ZBTB20: variants seen among roughly 807,000 people sequenced by gnomAD.
The protein encoded by ZBTB20 is zinc finger and BTB domain-containing protein 20.
ZBTB20 carries 9 observed loss-of-function variants against 56.9 expected under a neutral mutation model. The ratio of observed to expected loss-of-function variants is 0.16; its 90% CI spans 0.10 to 0.28. The LOEUF is 0.28. Ranked by LOEUF, ZBTB20 falls within the 10% of genes least tolerant of loss-of-function variation. The pLI is 1.00. For missense variants in ZBTB20, 655 were observed against 1,003.0 expected (o/e 0.65, Z 4.69); for synonymous variants, 417 against 420.7 (o/e 0.99, Z 0.11).
intron 7 of ZBTB20, among the ~76,000 whole-genome samples, chr3:114,402,707 G>A (rs970821500): frequency 2.0e-5 from 3 of 152,150 alleles, no homozygotes; most frequent in Non-Finnish European, 4.4e-5. Flanking sequence ...CGTAGAGTTG[G>A]AAAGCTGGTG....
At chr3:115,135,247 C>G (rs1576830101) in intron 1 of ZBTB20, among the ~76,000 whole-genome samples, 1 of 152,160 alleles carries the variant, frequency 6.6e-6, no homozygotes, top group South Asian at 2.1e-4. Context: ...GAAAGCCAGG[C>G]AGCTTGGAAT....
At chr3:115,074,812 C>T (rs1404591672) in intron 1 of ZBTB20, among the ~76,000 whole-genome samples, 5 of 152,084 alleles carry the variant, frequency 3.3e-5, no homozygotes, top group Admixed American at 3.3e-4. Context: ...AGGAGTGGAG[C>T]TGGGCCTCTG....
At chr3:114,529,331 A>G (rs1037674550) in intron 6 of ZBTB20, 27 of 152,186 alleles carry the variant, frequency 1.8e-4, no homozygotes, top group African/African-American at 6.3e-4. Flanking sequence ...AGCCTCTGTC[A>G]ACCTGGGTCC....
chr3:114,568,858 G>T (rs922446778), intron 6 of ZBTB20, among the ~76,000 whole-genome samples: 2 of 152,002 alleles, frequency 1.3e-5, no homozygotes, highest in African/African-American at 4.8e-5. Flanking sequence ...TTTAACCTCC[G>T]CTTTTTGCTA....
intron 6 of ZBTB20, chr3:114,527,079 C>T (rs1414971060): frequency 6.6e-6 from 1 of 152,146 alleles, no homozygotes; most frequent in African/African-American, 2.4e-5. Flanking sequence ...GGCAGCATAT[C>T]TAACCAGGGA....
In ZBTB20 at chr3:114,331,486, G is replaced by T. The variant is rs2079252978; in HGVS notation, c.*7519C>A. ...GTCTTAAACACAATGGTGGGAAGAG[G>T]CAACTGTATCTATGCACGAGGACCT... On this transcript the variant is annotated 3_prime_UTR_variant, in exon 12 of 12. Transcript: ENST00000675478. The T allele has an allele frequency of 6.6e-6, 1 of 152,182 alleles. No homozygotes were observed. The highest frequency in any genetic ancestry group is 1.5e-5 in the Non-Finnish European group (1 of 68,040). The allele number at this position is 152,182 out of a possible 1,614,324, so 9.4% of individuals were successfully genotyped here.
chr3:114,536,405 A>T (rs1044117763), intron 6 of ZBTB20, among the ~76,000 whole-genome samples: 1 of 152,194 alleles, frequency 6.6e-6, no homozygotes, highest in Non-Finnish European at 1.5e-5. Context: ...TAAAGAGAAT[A>T]AAATACCTAG....
intron 6 of ZBTB20, among the ~76,000 whole-genome samples, chr3:114,551,819 A>G (rs1430369043): frequency 5.3e-5 from 8 of 152,252 alleles, no homozygotes; most frequent in Non-Finnish European, 1.2e-4. Flanking sequence ...ATTGTACCCC[A>G]GATGTGTTTG....
At chr3:114,393,626 C>T (rs771220315) in intron 7 of ZBTB20, among the ~76,000 whole-genome samples, 2 of 152,300 alleles carry the variant, frequency 1.3e-5, no homozygotes, top group Middle Eastern at 3.4e-3. Context: ...AAAAAAGATT[C>T]GGTGAGAATG....
intron 2 of ZBTB20, among the ~76,000 whole-genome samples, chr3:115,006,812 T>C (rs2079491887): frequency 6.6e-6 from 1 of 151,796 alleles, no homozygotes; most frequent in Non-Finnish European, 1.5e-5. Context: ...CTAATATTTG[T>C]TTAGCGTTTT....
chr3:114,442,209 G>A (rs945736435), intron 7 of ZBTB20, among the ~76,000 whole-genome samples: 1 of 152,140 alleles, frequency 6.6e-6, no homozygotes, highest in African/African-American at 2.4e-5. Context: ...CATCTCTACA[G>A]CCTGTTGTGG....
chr3:114,454,211 A>AGAGAGAGAGAGAGAGAGAGAGAG (rs1317410658), intron 7 of ZBTB20, among the ~76,000 whole-genome samples: 6 of 129,056 alleles, frequency 4.6e-5, no homozygotes, highest in African/African-American at 1.1e-4. Flanking sequence ...AGAGAGAGAG[A>AGAGAGAGAGAGAGAGAGAGAGAG]AATTGGAGCT....
intron 4 of ZBTB20, among the ~76,000 whole-genome samples, chr3:114,897,740 T>A (rs2074944113): frequency 6.6e-6 from 1 of 152,122 alleles, no homozygotes; most frequent in African/African-American, 2.4e-5. Context: ...TGCACACTGG[T>A]GTGAACTGAG....
At chr3:115,022,311 T>C (rs1294221370) in intron 2 of ZBTB20, among the ~76,000 whole-genome samples, 8 of 151,066 alleles carry the variant, frequency 5.3e-5, no homozygotes. Flanking sequence ...TATTACATAA[T>C]GAAAATTTAT....
intron 7 of ZBTB20, among the ~76,000 whole-genome samples, chr3:114,415,492 C>T (rs147326156): frequency 6.6e-6 from 1 of 152,178 alleles, no homozygotes; most frequent in East Asian, 1.9e-4. Flanking sequence ...CCTTTCAAAT[C>T]TAAAGTTCTG....
Position 114,787,433 on chromosome 3 carries a change from GTATATACACATA to G in ZBTB20, c.-343+13656_-343+13667del, listed in dbSNP as rs911771264. ...TATACGTGTGTACACATATATACACGTATATACACATATATATACACATATATACATATATAT... is the reference window on the plus strand; with the variant it reads ...TATACGTGTGTACACATATATACACGTATATACACATATATACATATATAT... On this transcript the variant is annotated intron_variant, in intron 5 of 11. Transcript: ENST00000675478. Among the ~76,000 whole-genome samples, 24 of 115,392 alleles carry G rather than the reference GTATATACACATA, an allele frequency of 2.1e-4. No homozygotes were observed. The South Asian group carries it at 2.2e-3, about 11-fold the overall frequency. The allele number at this position is 115,392 out of a possible 152,430, so 75.7% of individuals were successfully genotyped here.
chr3:114,589,824 T>C (rs535853932), intron 6 of ZBTB20, among the ~76,000 whole-genome samples: 1 of 152,290 alleles, frequency 6.6e-6, no homozygotes, highest in East Asian at 1.9e-4. Flanking sequence ...TGGGGGTAAA[T>C]ATGTACTGAC....
intron 5 of ZBTB20, among the ~76,000 whole-genome samples, chr3:114,788,220 C>G (rs1039687872): frequency 6.6e-6 from 1 of 151,956 alleles, no homozygotes; most frequent in East Asian, 1.9e-4. Context: ...AAAAATTGAC[C>G]ATTTTAACCA....
intron 3 of ZBTB20, among the ~76,000 whole-genome samples, chr3:114,932,035 CATCCT>C (rs2076379216): frequency 6.6e-6 from 1 of 152,172 alleles, no homozygotes; most frequent in Non-Finnish European, 1.5e-5. Flanking sequence ...CATTCCTAGA[CATCCT>C]ATTTTTGTTG....
Sources: allele counts gnomAD v4.1 joint callset (sites outside exome capture counted in the v4.1 genomes callset), GRCh38; gene constraint gnomAD v4.1.1; transcripts MANE v1.5; gene names NCBI Gene and HGNC (gene_info 2026-07-23, HGNC 2026-07-21).